The following CHD1 variants were observed in gnomAD, a reference collection of about 807,000 sequenced individuals.
CHD1 encodes the protein ATP-dependent chromatin remodeler CHD1.
CHD1 carries 36 observed loss-of-function variants against 224.2 expected under a neutral mutation model. The ratio of observed to expected loss-of-function variants is 0.16; its 90% CI spans 0.12 to 0.21. The LOEUF is 0.21. Among genes scored for constraint, CHD1 ranks in the 10% least tolerant of loss-of-function variants. The pLI is 1.00. For missense variants in CHD1, 1,378 were observed against 1,994.8 expected (o/e 0.69, Z 5.89); for synonymous variants, 668 against 658.3 (o/e 1.01, Z -0.23).
At position 98,868,599 on chromosome 5, in the gene CHD1, T is replaced by G. The variant is rs1297149797; in HGVS notation, c.4144A>C (p.Lys1382Gln). Reference protein sequence around the residue: ...ESKSDGRERSKKSSVSDAPVH... With the variant: ...ESKSDGRERSQKSSVSDAPVH... Reference sequence around the variant, plus strand: ...GGAGCATCTGACACTGAAGATTTCTTGGATCTTTCCCTACCATCAGACTTG... The same window carrying G: ...GGAGCATCTGACACTGAAGATTTCTGGGATCTTTCCCTACCATCAGACTTG... Residue 1382 changes from lysine to glutamine, a missense_variant, in exon 31 of 36, where the codon AAG becomes CAG. Physicochemically the swap from Lys to Gln is moderately conservative, Grantham distance 53. Transcript: ENST00000614616. 1.1e-5 allele frequency: 18 copies of G among 1,606,910 alleles called. No individual in the cohort carries two copies. The highest frequency in any genetic ancestry group is 1.5e-5 in the Non-Finnish European group (18 of 1,177,842).
intron 17 of CHD1, 59 bp downstream of exon 17, chr5:98,888,029 G>T: frequency 8.7e-7 from 1 of 1,149,466 alleles, no homozygotes; most frequent in Non-Finnish European, 1.2e-6. Flanking sequence ...AGTTAATTCT[G>T]TAAAATATGC....
chr5:98,910,231 TG>T (rs374960081), intron 2 of CHD1, among the ~76,000 whole-genome samples: 37 of 152,280 alleles, frequency 2.4e-4, no homozygotes, highest in African/African-American at 8.2e-4. Flanking sequence ...CGGGTTGAGT[TG>T]GTTGCAAATG....
rs777413610 is a variant in CHD1 at position 98,892,718 on chromosome 5, A to G, written c.1992-5T>C. 9 of 1,560,186 alleles carry G rather than the reference A, an allele frequency of 5.8e-6. No individual in the cohort carries two copies. Among genetic ancestry groups the G allele is most frequent in the Non-Finnish European group, 7.8e-6 (9 of 1,150,042 alleles). On this transcript the variant is annotated splice_polypyrimidine_tract_variant and splice_region_variant and intron_variant, in intron 14 of 35. Coordinates refer to ENST00000614616, the MANE Select transcript of CHD1 (RefSeq NM_001270.4). ...AAATCTTCCCAGGAAGAAAACCTTT[A>G]AAATTTAAGAAATTGGAACAATTAC...
chr5:98,867,573 T>G (rs1246629112), intron 31 of CHD1, among the ~76,000 whole-genome samples: 1 of 152,146 alleles, frequency 6.6e-6, no homozygotes, highest in African/African-American at 2.4e-5. Context: ...TGTGTGTGTG[T>G]GTACATATTT....
At chr5:98,914,562 T>C (rs1752623328) in intron 2 of CHD1, among the ~76,000 whole-genome samples, 1 of 152,128 alleles carries the variant, frequency 6.6e-6, no homozygotes, top group Admixed American at 6.6e-5. Context: ...AAAATACAAC[T>C]GGTCCGATTC....
chr5:98,904,874 T>A lies in CHD1; in HGVS notation c.255+23A>T, dbSNP rs754662327. The A allele has an allele frequency of 2.5e-6, 4 of 1,610,248 alleles. No homozygotes were observed. The South Asian group carries it at 4.4e-5, about 18-fold the overall frequency. ...CAAAGTAATACAAGCAATCTACCTT[T>A]CATTGGGTATTTTATTGATTACCTC... is the stretch of plus-strand genomic sequence containing the variant. On this transcript the variant is annotated intron_variant, in intron 3 of 35. Transcript: ENST00000614616.
chr5:98,920,944 C>G (rs1001407748), intron 2 of CHD1, among the ~76,000 whole-genome samples: 1 of 151,992 alleles, frequency 6.6e-6, no homozygotes, highest in African/African-American at 2.4e-5. Context: ...GACGTGACAA[C>G]TAAATGCAAT....
chr5:98,928,230 A>G (rs1240086887), intron 1 of CHD1, among the ~76,000 whole-genome samples: 1 of 150,868 alleles, frequency 6.6e-6, no homozygotes, highest in Non-Finnish European at 1.5e-5. Flanking sequence ...TCGCGGCAGG[A>G]CCCACGCACC....
rs374214718 is a variant in CHD1 at position 98,856,498 on chromosome 5, C to G, written c.5015G>C (p.Ser1672Thr). 6.2e-7 allele frequency: 1 copy of G among 1,613,614 alleles called. No homozygotes were observed. Among genetic ancestry groups the G allele is most frequent in the Non-Finnish European group, 8.5e-7 (1 of 1,179,700 alleles). ...ATCTAGTGGTGACCTAGGGCCACTG[C>G]TGGAAGCTCTGTGGTCCATTTGCCA... is the stretch of plus-strand genomic sequence containing the variant. ...SDWQMDHRAS[S>T]SGPRSPLDQR... The change falls in exon 36 of 36, where the codon AGC becomes ACC. Residue 1672 changes from serine to threonine, a missense_variant. Coordinates refer to ENST00000614616, the MANE Select transcript of CHD1 (RefSeq NM_001270.4).
At chr5:98,922,967 C>T (rs778482988) in intron 2 of CHD1, among the ~76,000 whole-genome samples, 3 of 151,206 alleles carry the variant, frequency 2.0e-5, no homozygotes, top group Non-Finnish European at 2.9e-5. Context: ...GCAGCCTGGG[C>T]GACAGAGCAA....
Position 98,903,779 on chromosome 5 carries a change from G to A in CHD1, c.372+13C>T, listed in dbSNP as rs559330272. The stretch of plus-strand genomic sequence containing the variant: ...GTCCACTTTTAAAATAATAGCTCAT[G>A]ATGAAAATGCACCTCTTCTGATCCG... On this transcript the variant is annotated intron_variant, in intron 4 of 35. Transcript: ENST00000614616. 2.8e-5 allele frequency: 43 copies of A among 1,556,726 alleles called. 2 individuals are homozygous for A. Among genetic ancestry groups the A allele is most frequent in the South Asian group, 2.3e-4 (21 of 89,838 alleles).
In CHD1 at chr5:98,858,331, A is replaced by G; in HGVS notation, c.4636T>C (p.Ser1546Pro). The G allele has an allele frequency of 2.5e-6, 4 of 1,613,284 alleles. No individual in the cohort carries two copies. Among genetic ancestry groups the G allele is most frequent in the Non-Finnish European group, 3.4e-6 (4 of 1,179,356 alleles). Residue 1546 changes from serine to proline, a missense_variant, in exon 35 of 36, where the codon TCT (serine) becomes CCT (proline). Coordinates refer to ENST00000614616, the MANE Select transcript of CHD1 (RefSeq NM_001270.4). ...HDDSSRDSYS[S>P]DRHLTQYHDH... is the part of the protein sequence containing the mutation. ...TGGTACTGAGTTAAGTGTCTATCAG[A>G]GGAATAACTGTCCCTGCTGCTATCA...
At chr5:98,924,611 G>A (rs1329291675) in intron 2 of CHD1, among the ~76,000 whole-genome samples, 1 of 152,154 alleles carries the variant, frequency 6.6e-6, no homozygotes, top group African/African-American at 2.4e-5. Flanking sequence ...TATTCTCTAT[G>A]ATGTTCTTGC....
At chr5:98,861,145 CT>C (rs1257253468) in intron 32 of CHD1, among the ~76,000 whole-genome samples, 6 of 152,328 alleles carry the variant, frequency 3.9e-5, no homozygotes, top group Non-Finnish European at 1.5e-5. Context: ...ATTAGTGCCT[CT>C]TTTAAACAGT....
intron 17 of CHD1, 63 bp from the exon 18 acceptor site, chr5:98,885,712 T>G (rs1750606447): frequency 1.0e-6 from 1 of 977,010 alleles, no homozygotes. Flanking sequence ...GCAATTAAAA[T>G]CAATTATAAA....
chr5:98,876,312 C>A, intron 24 of CHD1, 86 bp downstream of exon 24: 1 of 1,381,290 alleles, frequency 7.2e-7, no homozygotes, highest in South Asian at 1.3e-5. Context: ...AACTTCATCA[C>A]AATTTTTGAA....
Position 98,856,582 on chromosome 5 carries a change from C to G in CHD1, c.4931G>C (p.Arg1644Pro), listed in dbSNP as rs370473736. 6.2e-7 allele frequency: 1 copy of G among 1,613,460 alleles called. No homozygotes were observed. Among genetic ancestry groups the G allele is most frequent in the South Asian group, 1.1e-5 (1 of 91,072 alleles). ...ATGGTGCGTATATTCAGAACTTGAC[C>G]GGTGGTCTGAATGTAACCGATGATC... ...HSDHRLHSDH[R>P]SSSEYTHHKS... Residue 1644 changes from arginine (R) to proline (P), a missense_variant, in exon 36 of 36, where the codon CGG (arginine) becomes CCG (proline). By Grantham distance (103) the Arg-to-Pro change is moderately radical. Around this residue, in one of 16 missense-constraint regions of CHD1, gnomAD observed 278 missense variants for 298.5 expected, o/e 0.93. Coordinates refer to ENST00000614616, the MANE Select transcript of CHD1 (RefSeq NM_001270.4).
intron 2 of CHD1, among the ~76,000 whole-genome samples, chr5:98,915,502 G>A (rs1403163201): frequency 2.6e-5 from 4 of 152,218 alleles, no homozygotes; most frequent in Admixed American, 6.5e-5. Flanking sequence ...CTAGTAAGCA[G>A]AGAATGAGCA....
intron 2 of CHD1, among the ~76,000 whole-genome samples, chr5:98,918,325 G>A (rs182709726): frequency 1.3e-5 from 2 of 151,554 alleles, no homozygotes; most frequent in Non-Finnish European, 2.9e-5. Flanking sequence ...TCCCAAAAGT[G>A]CTGGGATTAC....
Sources: allele counts gnomAD v4.1 joint callset (sites outside exome capture counted in the v4.1 genomes callset), GRCh38; gene constraint gnomAD v4.1.1; regional missense constraint gnomAD v4.1.1; transcripts MANE v1.5; gene names NCBI Gene and HGNC (gene_info 2026-07-23, HGNC 2026-07-21).